The following AK8 variants were observed in gnomAD, a reference collection of about 807,000 sequenced individuals.
AK8 encodes the protein ATP-AMP transphosphorylase 8.
In AK8, 44 loss-of-function variants were observed where a neutral mutation model predicts 54.6. The observed-to-expected ratio is 0.81, with a 90% confidence interval of 0.63 to 1.04. The LOEUF is 1.04. AK8 is among the 50% of genes least tolerant of loss of function. The pLI is 0.00. For missense variants in AK8, 555 were observed against 613.6 expected, an observed-to-expected ratio of 0.90 and a Z score of 1.01; for synonymous variants, 239 against 245.6, an observed-to-expected ratio of 0.97 and a Z score of 0.25.
At chr9:132,819,904 T>C (rs1841500944) in intron 9 of AK8, among the ~76,000 whole-genome samples, 1 of 151,538 alleles carries the variant, frequency 6.6e-6, no homozygotes. Flanking sequence ...AGTACACAAG[T>C]CAAAAAAGAA....
chr9:132,823,194 G>T lies in AK8; in HGVS notation c.889+11C>A. The T allele has an allele frequency of 1.3e-6, 2 of 1,556,732 alleles. No individual in the cohort carries two copies. Among genetic ancestry groups the T allele is most frequent in the Non-Finnish European group, 1.7e-6 (2 of 1,154,044 alleles). ...CTCGAAGCTGGGCAGCCCAGCACCT[G>T]GGGCACTCACCATTGACAAGCCTGT... On this transcript the variant is annotated intron_variant, in intron 9 of 12. Transcript: ENST00000298545.
At chr9:132,824,636 A>G (rs1456842154) in intron 8 of AK8, among the ~76,000 whole-genome samples, 1 of 152,270 alleles carries the variant, frequency 6.6e-6, no homozygotes. Context: ...CTTTACAGAC[A>G]TTGCCAAATA....
chr9:132,778,473 G>A (rs778390306), intron 11 of AK8, among the ~76,000 whole-genome samples: 14 of 152,086 alleles, frequency 9.2e-5, no homozygotes, highest in East Asian at 1.9e-4. Flanking sequence ...GGAAGGACCC[G>A]TGATAATGAA....
At chr9:132,771,234 G>A (rs1053937314) in intron 11 of AK8, among the ~76,000 whole-genome samples, 2 of 152,196 alleles carry the variant, frequency 1.3e-5, no homozygotes, top group African/African-American at 4.8e-5. Context: ...GACTAGGAGG[G>A]AAGAGGTAGG....
chr9:132,753,253 G>A (rs1838033514), intron 11 of AK8, among the ~76,000 whole-genome samples: 1 of 152,160 alleles, frequency 6.6e-6, no homozygotes. Context: ...GCTGGTTCTG[G>A]GCTCTCTCAT....
intron 3 of AK8, among the ~76,000 whole-genome samples, chr9:132,866,458 G>A (rs1023420452): frequency 2.6e-5 from 4 of 152,180 alleles, no homozygotes; most frequent in Admixed American, 2.6e-4. Flanking sequence ...CGTGAATATC[G>A]ATGGTACAGT....
intron 11 of AK8, among the ~76,000 whole-genome samples, chr9:132,746,034 CT>C (rs1837632335): frequency 6.6e-6 from 1 of 152,180 alleles, no homozygotes; most frequent in Admixed American, 6.5e-5. Context: ...GACTTCCCAG[CT>C]GGAGCAACGG....
chr9:132,813,364 A>G, intron 10 of AK8, among the ~76,000 whole-genome samples: 1 of 152,186 alleles, frequency 6.6e-6, no homozygotes, highest in Middle Eastern at 3.2e-3. Flanking sequence ...CTGGGAGGAC[A>G]GAGCCTGTTT....
chr9:132,827,766 C>A, intron 7 of AK8: 1 of 510,060 alleles, frequency 2.0e-6, no homozygotes, highest in Non-Finnish European at 3.5e-6. Context: ...CATGACCCCC[C>A]ACACTCTATT....
intron 1 of AK8, among the ~76,000 whole-genome samples, chr9:132,875,764 G>A (rs1458506404): frequency 6.6e-6 from 1 of 152,220 alleles, no homozygotes; most frequent in Non-Finnish European, 1.5e-5. Flanking sequence ...CATGGGTTCT[G>A]TGGGCCTCCT....
At chr9:132,878,738 G>C (rs980505949), upstream of AK8, 4 of 986,606 alleles carry the variant, frequency 4.1e-6, no homozygotes, top group African/African-American at 7.0e-5. The surrounding 1 kb of genome is among the most constrained non-coding windows in gnomAD (Gnocchi z 4.7). Context: ...TTCGAGGATC[G>C]GGTGGAAATC....
At chr9:132,844,465 T>A (rs1369647114) in intron 5 of AK8, among the ~76,000 whole-genome samples, 1 of 152,150 alleles carries the variant, frequency 6.6e-6, no homozygotes, top group Non-Finnish European at 1.5e-5. Flanking sequence ...ATAATAATAA[T>A]TACCATATAA....
At chr9:132,771,811 C>A (rs984335155) in intron 11 of AK8, among the ~76,000 whole-genome samples, 1 of 152,088 alleles carries the variant, frequency 6.6e-6, no homozygotes, top group Non-Finnish European at 1.5e-5. Context: ...TCTGTTTTCA[C>A]GCTGCTAATA....
At chr9:132,859,846 A>G (rs1843316671) in intron 4 of AK8, among the ~76,000 whole-genome samples, 1 of 152,144 alleles carries the variant, frequency 6.6e-6, no homozygotes, top group Non-Finnish European at 1.5e-5. Flanking sequence ...CTGGGGTTCC[A>G]GGGGCAGCGT....
intron 11 of AK8, among the ~76,000 whole-genome samples, chr9:132,750,436 C>G (rs1043700939): frequency 6.6e-6 from 1 of 151,842 alleles, no homozygotes; most frequent in Non-Finnish European, 1.5e-5. Flanking sequence ...ATTTCTTCTA[C>G]ACATCTTTCT....
At chr9:132,796,480 C>T (rs1030543545) in intron 10 of AK8, among the ~76,000 whole-genome samples, 4 of 151,944 alleles carry the variant, frequency 2.6e-5, no homozygotes, top group Non-Finnish European at 4.4e-5. Context: ...GATGTGTATA[C>T]AAAGATGTCC....
intron 10 of AK8, among the ~76,000 whole-genome samples, chr9:132,813,103 T>C (rs1407956435): frequency 1.6e-5 from 2 of 127,062 alleles, no homozygotes; most frequent in African/African-American, 6.6e-5. Flanking sequence ...GATCACCTCA[T>C]TCTGTGGCCA....
chr9:132,849,759 T>G (rs1842894020), intron 5 of AK8, among the ~76,000 whole-genome samples: 1 of 152,200 alleles, frequency 6.6e-6, no homozygotes, highest in African/African-American at 2.4e-5. Context: ...CCAATCAATA[T>G]ATTTTTGAGA....
rs1040903567 is a variant in AK8 at position 132,747,621 on chromosome 9, G to C, written c.1122-20087C>G. Reference sequence around the variant, plus strand: ...TAATTTTTTGTATTTTGTAGAGAGGGGGTTTCATCATGTTGGCCTGGCTGG... The same window carrying C: ...TAATTTTTTGTATTTTGTAGAGAGGCGGTTTCATCATGTTGGCCTGGCTGG... On this transcript the variant is annotated intron_variant, in intron 11 of 12. Coordinates refer to ENST00000298545, the MANE Select transcript of AK8 (RefSeq NM_152572.3). Among the ~76,000 whole-genome samples the C allele has an allele frequency of 1.6e-4, 24 of 149,438 alleles. 1 individual carries two copies. Among genetic ancestry groups the C allele is most frequent in the African/African-American group, 5.9e-4 (24 of 40,746 alleles).
Sources: allele counts gnomAD v4.1 joint callset (sites outside exome capture counted in the v4.1 genomes callset), GRCh38; gene constraint gnomAD v4.1.1; non-coding constraint Gnocchi (gnomAD v3.1); transcripts MANE v1.5; gene names NCBI Gene and HGNC (gene_info 2026-07-23, HGNC 2026-07-21).